Variants in NEK11 observed in about 807,000 individuals in gnomAD.
NEK11 encodes NIMA related kinase 11.
A neutral mutation model predicts 80.7 loss-of-function variants in NEK11; 72 were observed. The observed-to-expected ratio is 0.89, with a 90% CI of 0.74 to 1.08. NEK11 has a LOEUF of 1.08. Ranked by LOEUF, NEK11 falls within the 50% of genes least tolerant of loss-of-function variation. NEK11 has a pLI of 0.00. For missense variants in NEK11, 764 were observed against 763.6 expected (o/e 1.00, Z -0.01); for synonymous variants, 251 against 260.7 (o/e 0.96, Z 0.36).
At chr3:131,181,324 A>G (rs1379683850) in intron 14 of NEK11, among the ~76,000 whole-genome samples, 2 of 152,216 alleles carry the variant, frequency 1.3e-5, no homozygotes, top group African/African-American at 4.8e-5. Context: ...GGTGACCTTT[A>G]GAAGCTAGAA....
At chr3:131,294,391 A>T (rs1561414261) in intron 17 of NEK11, among the ~76,000 whole-genome samples, 1 of 151,458 alleles carries the variant, frequency 6.6e-6, no homozygotes, top group East Asian at 1.9e-4. Flanking sequence ...TCTGTTATTG[A>T]TTTCTAATTT....
chr3:131,174,852 A>G, intron 14 of NEK11: 4 of 1,574,862 alleles, frequency 2.5e-6, no homozygotes, highest in Middle Eastern at 1.7e-4. Context: ...AAGGAGCATG[A>G]CTCCCTACCC....
intron 17 of NEK11, chr3:131,325,796 C>G (rs2096958015): frequency 6.6e-6 from 1 of 152,134 alleles, no homozygotes; most frequent in African/African-American, 2.4e-5. Context: ...TAGTCAGATA[C>G]CAGTCTCGAG....
At chr3:131,034,261 T>C (rs1324830369) in intron 3 of NEK11, among the ~76,000 whole-genome samples, 1 of 152,224 alleles carries the variant, frequency 6.6e-6, no homozygotes, top group Non-Finnish European at 1.5e-5. Context: ...ATTTCAACAT[T>C]CATCTTATCA....
intron 7 of NEK11, among the ~76,000 whole-genome samples, chr3:131,146,451 C>G (rs934784968): frequency 6.6e-6 from 1 of 152,084 alleles, no homozygotes; most frequent in African/African-American, 2.4e-5. Context: ...ACTGATAAAA[C>G]CAGAGTTTGA....
chr3:131,162,140 T>C (rs2091673535), intron 10 of NEK11, among the ~76,000 whole-genome samples: 1 of 152,200 alleles, frequency 6.6e-6, no homozygotes, highest in Non-Finnish European at 1.5e-5. Context: ...TTGTTTTACA[T>C]TATGAAAACT....
intron 4 of NEK11, among the ~76,000 whole-genome samples, chr3:131,086,998 A>C (rs2076062866): frequency 6.6e-6 from 1 of 152,056 alleles, no homozygotes; most frequent in Admixed American, 6.6e-5. Context: ...TATAACATAT[A>C]TTTTGTTTTT....
intron 17 of NEK11, among the ~76,000 whole-genome samples, chr3:131,277,723 G>A (rs960959202): frequency 6.6e-6 from 1 of 152,210 alleles, no homozygotes; most frequent in African/African-American, 2.4e-5. Context: ...GGAAGATGCA[G>A]GGGGCAAGCT....
At chr3:131,339,867 G>A (rs1269583147) in intron 17 of NEK11, among the ~76,000 whole-genome samples, 1 of 152,108 alleles carries the variant, frequency 6.6e-6, no homozygotes, top group Admixed American at 6.5e-5. Context: ...AATACCCCAA[G>A]ATAATGAAAG....
chr3:131,160,340 G>A (rs1451037715), intron 10 of NEK11, among the ~76,000 whole-genome samples: 2 of 152,126 alleles, frequency 1.3e-5, no homozygotes, highest in Non-Finnish European at 2.9e-5. Context: ...AGCTTCATAA[G>A]CGAAGGAGAA....
chr3:131,111,769 A>G (rs1005171898), intron 5 of NEK11, among the ~76,000 whole-genome samples: 1 of 152,192 alleles, frequency 6.6e-6, no homozygotes, highest in East Asian at 1.9e-4. Flanking sequence ...AGTAAGGATA[A>G]TAATAGGACT....
chr3:131,327,768 T>G (rs1264090146), intron 17 of NEK11: 6 of 148,166 alleles, frequency 4.0e-5, no homozygotes, highest in Admixed American at 6.8e-5. Flanking sequence ...AGGGGCGGGG[T>G]CTGTGCCAAA....
At chr3:131,273,888 C>T (rs116155730) in intron 17 of NEK11, among the ~76,000 whole-genome samples, 1 of 152,204 alleles carries the variant, frequency 6.6e-6, no homozygotes, top group East Asian at 1.9e-4. Context: ...AAATTATTTC[C>T]AAGCCTAAAG....
At chr3:131,027,859 C>T (rs1476756791) in intron 1 of NEK11, 71 bp from the exon 2 acceptor site, 1 of 152,102 alleles carries the variant, frequency 6.6e-6, no homozygotes, top group Non-Finnish European at 1.5e-5. Context: ...TTTAGACTGT[C>T]CTTTAAAATA....
At chr3:131,068,111 C>G (rs1254568013) in intron 3 of NEK11, among the ~76,000 whole-genome samples, 1 of 152,162 alleles carries the variant, frequency 6.6e-6, no homozygotes, top group Non-Finnish European at 1.5e-5. Flanking sequence ...GAGGGGGACA[C>G]AGTCCCTGTC....
rs758972011 is a variant in NEK11, at chr3:131,173,680, C to A, written c.1399+2793C>A. On this transcript the variant is annotated intron_variant, in intron 14 of 17. Coordinates refer to ENST00000383366, the MANE Select transcript of NEK11 (RefSeq NM_024800.5). ...GAACTGGACTTTCAAAAGGCAGAGTCTTTGTCATGTGTCTCTTTGCTAATT... is the reference window on the plus strand; with the variant it reads ...GAACTGGACTTTCAAAAGGCAGAGTATTTGTCATGTGTCTCTTTGCTAATT... Among the ~76,000 whole-genome samples, 4 of 151,896 alleles carry A rather than the reference C, an allele frequency of 2.6e-5. No homozygotes were observed. The South Asian group carries it at 6.2e-4, about 24-fold the overall frequency.
intron 14 of NEK11, among the ~76,000 whole-genome samples, chr3:131,184,433 A>G (rs1346454265): frequency 1.3e-5 from 2 of 152,224 alleles, no homozygotes; most frequent in African/African-American, 2.4e-5. Context: ...CCAAAAGAGT[A>G]TGGACCATGT....
chr3:131,036,884 A>C (rs965074879), intron 3 of NEK11, among the ~76,000 whole-genome samples: 5 of 152,228 alleles, frequency 3.3e-5, no homozygotes, highest in African/African-American at 4.8e-5. Context: ...TGTGAATGGC[A>C]CTAAAATGGA....
intron 17 of NEK11, among the ~76,000 whole-genome samples, chr3:131,340,878 T>A (rs72993137): frequency 0.13 from 19,720 of 152,196 alleles, 1,894 homozygotes; most frequent in East Asian, 0.3. Context: ...AAGGCTTTTG[T>A]TTCTTGAAGA....
Sources: allele counts gnomAD v4.1 joint callset (sites outside exome capture counted in the v4.1 genomes callset), GRCh38; gene constraint gnomAD v4.1.1; transcripts MANE v1.5; gene names NCBI Gene and HGNC (gene_info 2026-07-23, HGNC 2026-07-21).